CDK17: variants seen among roughly 807,000 people sequenced by gnomAD.
The protein encoded by CDK17 is cyclin dependent kinase 17.
Under a neutral mutation model 77.6 loss-of-function variants are expected in CDK17, and 24 were observed. That is an observed-to-expected ratio of 0.31 (90% CI 0.22 to 0.44). The LOEUF (loss-of-function observed/expected upper bound fraction) is 0.44, where lower values mean the gene tolerates loss of function less well. Among genes scored for constraint, CDK17 ranks in the 20% least tolerant of loss-of-function variants. The probability of loss-of-function intolerance (pLI) is 1.00; values close to 1 mark genes in which losing one functional copy is unlikely to be tolerated. For missense variants in CDK17, 429 were observed against 622.5 expected, an observed-to-expected ratio of 0.69 and a Z score of 3.31; for synonymous variants, 203 against 210.4, an observed-to-expected ratio of 0.96 and a Z score of 0.30.
At chr12:96,300,429 C>T in intron 5 of CDK17, 69 bp from the exon 6 acceptor site, 1 of 906,026 alleles carries the variant, frequency 1.1e-6, no homozygotes, top group African/African-American at 1.7e-5. Context: ...CATCGTCTCA[C>T]TCTGTTGCCC....
chr12:96,306,283 T>C (rs1208684666), intron 5 of CDK17, among the ~76,000 whole-genome samples: 1 of 152,072 alleles, frequency 6.6e-6, no homozygotes, highest in Non-Finnish European at 1.5e-5. Flanking sequence ...AATATGAAAA[T>C]AGGCCAGGAG....
chr12:96,309,870 G>C (rs940535428), intron 5 of CDK17, among the ~76,000 whole-genome samples: 3 of 152,068 alleles, frequency 2.0e-5, no homozygotes, highest in Non-Finnish European at 4.4e-5. Flanking sequence ...AGAACAACCA[G>C]AACTATTATA....
rs141634856 is a variant in CDK17 at position 96,357,990 on chromosome 12, C to A, written c.-29-23125G>T. Among the ~76,000 whole-genome samples the A allele has an allele frequency of 2.3e-3, 349 of 151,998 alleles. 1 individual carries two copies. Among genetic ancestry groups the A allele is most frequent in the African/African-American group, 8.1e-3 (336 of 41,462 alleles). On this transcript the variant is annotated intron_variant, in intron 1 of 16. Transcript: ENST00000261211. ...CATAGAATAGAATGTTATTATACAG[C>A]AGTAAAAATGAATGAACTACAACCA...
intron 5 of CDK17, among the ~76,000 whole-genome samples, chr12:96,306,779 T>C (rs1041856063): frequency 6.6e-6 from 1 of 152,210 alleles, no homozygotes; most frequent in Non-Finnish European, 1.5e-5. Context: ...TCCCACTCCT[T>C]TTCCATCCAT....
rs181492510 is a variant in CDK17, at chr12:96,305,086, G to A, written c.544-4726C>T. On this transcript the variant is annotated intron_variant, in intron 5 of 16. Coordinates refer to ENST00000261211, the MANE Select transcript of CDK17 (RefSeq NM_002595.5). ...TCCACTGGGTATACCATTATCGTAA[G>A]GGCAAGGAAGCTCTGATGAATCCTG... Among the ~76,000 whole-genome samples, 425 of 152,308 alleles carry A rather than the reference G, an allele frequency of 2.8e-3. 2 individuals carry two copies. The highest frequency in any genetic ancestry group is 9.3e-3 in the African/African-American group (386 of 41,574).
intron 1 of CDK17, among the ~76,000 whole-genome samples, chr12:96,394,197 G>C (rs1954126084): frequency 6.6e-6 from 1 of 151,304 alleles, no homozygotes; most frequent in Non-Finnish European, 1.5e-5. Context: ...AGTGAGCCAA[G>C]ATCACGCCAC....
At chr12:96,329,969 A>G (rs916480792) in intron 2 of CDK17, among the ~76,000 whole-genome samples, 5 of 152,186 alleles carry the variant, frequency 3.3e-5, no homozygotes, top group South Asian at 2.1e-4. Flanking sequence ...AATAATCATG[A>G]TAAGTGACAT....
chr12:96,381,763 T>TA (rs1472751446), intron 1 of CDK17, among the ~76,000 whole-genome samples: 1 of 151,768 alleles, frequency 6.6e-6, no homozygotes, highest in Non-Finnish European at 1.5e-5. Context: ...CAAAACAACT[T>TA]ATCTAGTTTT....
intron 2 of CDK17, among the ~76,000 whole-genome samples, chr12:96,329,091 T>C (rs964350800): frequency 5.3e-5 from 8 of 152,238 alleles, no homozygotes; most frequent in African/African-American, 1.4e-4. Context: ...GTACCTAGAA[T>C]AGGCAAATTC....
intron 1 of CDK17, among the ~76,000 whole-genome samples, chr12:96,383,399 T>TAGA (rs1953918521): frequency 3.2e-5 from 2 of 62,434 alleles, no homozygotes; most frequent in Admixed American, 1.8e-4. Context: ...TTCACAAAAT[T>TAGA]AGAAGAAAAA....
At position 96,282,569 on chromosome 12, in the gene CDK17, C is replaced by G; in HGVS notation, c.1396G>C (p.Glu466Gln). 1 of 1,612,742 alleles carries G rather than the reference C, an allele frequency of 6.2e-7. No individual in the cohort carries two copies. Among genetic ancestry groups the G allele is most frequent in the East Asian group, 2.2e-5 (1 of 44,848 alleles). Residue 466 changes from glutamate to glutamine, a missense_variant, in exon 15 of 17, where the codon GAG (glutamate) becomes CAG (glutamine). Physicochemically the swap from Glu to Gln is conservative, Grantham distance 29. Coordinates refer to ENST00000261211, the MANE Select transcript of CDK17 (RefSeq NM_002595.5). ...CGAAAGTACACATGTTTCATGGCCT[C>G]TTCAGCTGAAACCCTTTTCTTAGAT... ...YESKKRVSAEEAMKHVYFRSL... is the reference protein window; with the variant it reads ...YESKKRVSAEQAMKHVYFRSL...
chr12:96,331,625 A>G (rs1952968821), intron 2 of CDK17, among the ~76,000 whole-genome samples: 1 of 152,246 alleles, frequency 6.6e-6, no homozygotes, highest in Admixed American at 6.5e-5. Flanking sequence ...TGACTCAGTT[A>G]TCAAAATAAG....
At chr12:96,375,510 C>CTTTTT (rs34451499) in intron 1 of CDK17, among the ~76,000 whole-genome samples, 2 of 101,592 alleles carry the variant, frequency 2.0e-5, no homozygotes, top group African/African-American at 3.8e-5. Context: ...TGATCCTAAC[C>CTTTTT]TTTTTTTTTT....
At chr12:96,280,396 G>C (rs1361259813) in intron 16 of CDK17, 117 bp from the exon 17 acceptor site, 1 of 1,496,450 alleles carries the variant, frequency 6.7e-7, no homozygotes, top group African/African-American at 1.4e-5. Context: ...TCCATGGTAA[G>C]AGTGATCAGC....
chr12:96,394,745 G>A (rs1225425765), intron 1 of CDK17, among the ~76,000 whole-genome samples: 1 of 142,406 alleles, frequency 7.0e-6, no homozygotes, highest in Admixed American at 7.3e-5. Context: ...TTGAGATCAC[G>A]CAACTGCAAC....
intron 3 of CDK17, among the ~76,000 whole-genome samples, chr12:96,317,213 G>A (rs1385719666): frequency 2.0e-5 from 3 of 150,426 alleles, no homozygotes; most frequent in Admixed American, 6.7e-5. Context: ...ATCAGCGATC[G>A]AAGATGAAAT....
Position 96,334,877 on chromosome 12 carries a change from G to A in CDK17, c.-29-12C>T, listed in dbSNP as rs760850870. ...TGGCTTGAAAAATCCTGAAAGAAAA[G>A]AATAAACACAAAACTAAAGCTATAA... is the stretch of plus-strand genomic sequence containing the variant. On this transcript the variant is annotated splice_polypyrimidine_tract_variant and intron_variant, in intron 1 of 16. Coordinates refer to ENST00000261211, the MANE Select transcript of CDK17 (RefSeq NM_002595.5). 9.7e-7 allele frequency: 1 copy of A among 1,029,198 alleles called. No homozygotes were observed. The highest frequency in any genetic ancestry group is 1.5e-6 in the Non-Finnish European group (1 of 653,294). 63.8% of individuals were successfully genotyped at this position (1,029,198 alleles called of 1,614,324 possible). A position where few individuals can be genotyped will look rare whatever the true frequency, so the allele number is the denominator to read the frequency against.
At chr12:96,350,887 G>T (rs1343519885) in intron 1 of CDK17, among the ~76,000 whole-genome samples, 1 of 152,034 alleles carries the variant, frequency 6.6e-6, no homozygotes, top group Admixed American at 6.6e-5. Flanking sequence ...AATTTAAAAT[G>T]ATAGTAAAGA....
rs1014501761 is a variant in CDK17 at position 96,280,676 on chromosome 12, C to T, written c.1534+132G>A. ...AAAAGTGAGTACGTGCAATGCTAAA[C>T]ATAAACAGTTGTGGAATGCACTGTA... is the stretch of plus-strand genomic sequence containing the variant. On this transcript the variant is annotated intron_variant, in intron 16 of 16. Transcript: ENST00000261211. 7.6e-6 allele frequency: 11 copies of T among 1,456,118 alleles called. No individual in the cohort carries two copies. In the East Asian group the frequency reaches 1.7e-4, roughly 23 times the overall value. 90.2% of individuals were successfully genotyped at this position (1,456,118 alleles called of 1,614,324 possible).
Sources: allele counts gnomAD v4.1 joint callset (sites outside exome capture counted in the v4.1 genomes callset), GRCh38; gene constraint gnomAD v4.1.1; transcripts MANE v1.5; gene names NCBI Gene and HGNC (gene_info 2026-07-23, HGNC 2026-07-21).